Variants in PLEKHA3 observed in about 807,000 individuals in gnomAD.
PLEKHA3 encodes pleckstrin homology domain-containing family A member 3.
PLEKHA3 carries 19 observed loss-of-function variants against 39.2 expected under a neutral mutation model. The ratio of observed to expected loss-of-function variants is 0.48; its 90% confidence interval spans 0.34 to 0.71. PLEKHA3 has a LOEUF of 0.71. Ranked by LOEUF, PLEKHA3 falls within the 30% of genes least tolerant of loss-of-function variation. PLEKHA3 has a pLI of 0.01. For synonymous variants in PLEKHA3, 97 were observed against 118.6 expected (o/e 0.82, Z 1.18); for missense variants, 253 against 359.5 (o/e 0.70, Z 2.40).
At chr2:178,500,262 G>A (rs1164672488) in intron 6 of PLEKHA3, among the ~76,000 whole-genome samples, 3 of 151,922 alleles carry the variant, frequency 2.0e-5, no homozygotes, top group African/African-American at 7.3e-5. Flanking sequence ...CCTGATGATT[G>A]TATAATCTTT....
At chr2:178,491,736 G>C (rs1685350681) in intron 3 of PLEKHA3, among the ~76,000 whole-genome samples, 1 of 152,104 alleles carries the variant, frequency 6.6e-6, no homozygotes, top group Non-Finnish European at 1.5e-5. Context: ...ACTTGAGACT[G>C]TAATTTATAA....
chr2:178,490,864 T>C, intron 3 of PLEKHA3, 50 bp downstream of exon 3: 1 of 1,436,618 alleles, frequency 7.0e-7, no homozygotes, highest in East Asian at 2.5e-5. Context: ...TAAATATAAA[T>C]ATAAATGTAA....
intron 5 of PLEKHA3, among the ~76,000 whole-genome samples, chr2:178,496,623 G>A (rs1212289102): frequency 6.6e-6 from 1 of 152,206 alleles, no homozygotes; most frequent in Non-Finnish European, 1.5e-5. Context: ...ATGAAAATGA[G>A]TTTTATGGCC....
Position 178,514,040 on chromosome 2 carries a change from G to A in PLEKHA3, c.*10153G>A, listed in dbSNP as rs1241161022. The stretch of plus-strand genomic sequence containing the variant: ...ATTGTCCATAGCCTCTTGCAATGGT[G>A]CCTCATCTTGGGGAGGCTTTAGAAC... On this transcript the variant is annotated 3_prime_UTR_variant, in exon 8 of 8. Coordinates refer to ENST00000234453, the MANE Select transcript of PLEKHA3 (RefSeq NM_019091.4). The A allele has an allele frequency of 6.6e-6, 1 of 152,072 alleles. No homozygotes were observed. Among genetic ancestry groups the A allele is most frequent in the Non-Finnish European group, 1.5e-5 (1 of 68,018 alleles). The allele number at this position is 152,072 out of a possible 1,614,324, so 9.4% of individuals were successfully genotyped here. A position where few individuals can be genotyped will look rare whatever the true frequency, so the allele number is the denominator to read the frequency against.
chr2:178,487,261 G>A (rs1372627344), intron 2 of PLEKHA3, among the ~76,000 whole-genome samples: 2 of 152,060 alleles, frequency 1.3e-5, no homozygotes, highest in African/African-American at 4.8e-5. Context: ...ATCAAGGGCG[G>A]GTGATGAAAT....
At position 178,509,746 on chromosome 2, in the gene PLEKHA3, T is replaced by A. The variant is rs1420547656; in HGVS notation, c.*5859T>A. ...TGCCTGCCTTGACTTTCCAAAATTC[T>A]CGGATTACAGGCATGAGCCACACTG... On this transcript the variant is annotated 3_prime_UTR_variant, in exon 8 of 8. Coordinates refer to ENST00000234453, the MANE Select transcript of PLEKHA3 (RefSeq NM_019091.4). The A allele has an allele frequency of 2.0e-5, 3 of 152,298 alleles. No individual in the cohort carries two copies. Among genetic ancestry groups the A allele is most frequent in the Non-Finnish European group, 2.9e-5 (2 of 68,156 alleles). The allele number at this position is 152,298 out of a possible 1,614,324, so 9.4% of individuals were successfully genotyped here. A position where few individuals can be genotyped will look rare whatever the true frequency, so the allele number is the denominator to read the frequency against.
At chr2:178,501,877 G>A (rs558159055) in intron 7 of PLEKHA3, among the ~76,000 whole-genome samples, 1 of 152,018 alleles carries the variant, frequency 6.6e-6, no homozygotes, top group South Asian at 2.1e-4. Context: ...GAAGCATGTG[G>A]GATAGAAACT....
intron 3 of PLEKHA3, among the ~76,000 whole-genome samples, chr2:178,493,064 A>G (rs1685379075): frequency 6.6e-6 from 1 of 152,214 alleles, no homozygotes; most frequent in Non-Finnish European, 1.5e-5. Flanking sequence ...CCAGAGAGCA[A>G]GACCACTGGG....
At chr2:178,485,208 G>A (rs962210661) in intron 1 of PLEKHA3, among the ~76,000 whole-genome samples, 1 of 152,206 alleles carries the variant, frequency 6.6e-6, no homozygotes, top group Non-Finnish European at 1.5e-5. Context: ...TTTGTCCCCA[G>A]GGTATGATTA....
rs1685586282 is a variant in PLEKHA3, at chr2:178,505,222, T to A, written c.*1335T>A. On this transcript the variant is annotated 3_prime_UTR_variant, in exon 8 of 8. Transcript: ENST00000234453. ...TGTTGCCTGTGAGCTTAGAATGGTG[T>A]GACCTATTTCATTTTATTTCAATTT... 1 of 152,194 alleles carries A rather than the reference T, an allele frequency of 6.6e-6. No individual in the cohort carries two copies. Among genetic ancestry groups the A allele is most frequent in the South Asian group, 2.1e-4 (1 of 4,826 alleles). 9.4% of individuals were successfully genotyped at this position (152,194 alleles called of 1,614,324 possible). A position where few individuals can be genotyped will look rare whatever the true frequency, so the allele number is the denominator to read the frequency against.
chr2:178,503,456 T>C (rs1489375593), intron 7 of PLEKHA3, among the ~76,000 whole-genome samples: 1 of 151,970 alleles, frequency 6.6e-6, no homozygotes, highest in Admixed American at 6.6e-5. Context: ...TTAAATTCAA[T>C]TCAGCAAATA....
chr2:178,495,231 T>C (rs573056361), intron 4 of PLEKHA3, among the ~76,000 whole-genome samples: 1 of 152,340 alleles, frequency 6.6e-6, no homozygotes, highest in South Asian at 2.1e-4. Context: ...TTCAATATGA[T>C]AATTAAATGC....
chr2:178,503,919 T>C lies in PLEKHA3; in HGVS notation c.*32T>C, dbSNP rs773137787. ...TGAAGTGTCCAACTTCCTCTAAGTA[T>C]TGCTATGCAAAAGCTGCTGTAATTA... On this transcript the variant is annotated 3_prime_UTR_variant, in exon 8 of 8. Transcript: ENST00000234453. 11 of 1,608,134 alleles carry C rather than the reference T, an allele frequency of 6.8e-6. No individual in the cohort carries two copies. The highest frequency in any genetic ancestry group is 8.5e-6 in the Non-Finnish European group (10 of 1,175,876).
chr2:178,486,488 A>G (rs1048479207), intron 2 of PLEKHA3, among the ~76,000 whole-genome samples: 13 of 152,222 alleles, frequency 8.5e-5, no homozygotes, highest in Non-Finnish European at 1.9e-4. Context: ...CTTGTCCTTC[A>G]TGAAGTGTGT....
chr2:178,508,051 GT>G lies in PLEKHA3; in HGVS notation c.*4165del, dbSNP rs1685631317. On this transcript the variant is annotated 3_prime_UTR_variant, in exon 8 of 8. Transcript: ENST00000234453. The stretch of plus-strand genomic sequence containing the variant: ...AGAGATTTGTCTGCTTCAGTTCTGG[GT>G]GTGTGTGTGTGTGTGTGTGTGTGTG... 337 of 4,438 alleles carry G rather than the reference GT, an allele frequency of 0.076. No individual in the cohort carries two copies. Among genetic ancestry groups the G allele is most frequent in the Middle Eastern group, 0.25 (2 of 8 alleles). 0.3% of individuals were successfully genotyped at this position (4,438 alleles called of 1,614,324 possible). A position where few individuals can be genotyped will look rare whatever the true frequency, so the allele number is the denominator to read the frequency against.
intron 2 of PLEKHA3, among the ~76,000 whole-genome samples, chr2:178,487,116 G>C (rs1045939937): frequency 6.6e-6 from 1 of 152,212 alleles, no homozygotes; most frequent in Admixed American, 6.5e-5. Context: ...AGTGTCAGTG[G>C]AGGGAAAGTT....
Position 178,510,585 on chromosome 2 carries a change from A to G in PLEKHA3, c.*6698A>G, listed in dbSNP as rs1685668286. On this transcript the variant is annotated 3_prime_UTR_variant, in exon 8 of 8. Transcript: ENST00000234453. ...GTAAAGGGCTTGTGGGCGTGGGTGA[A>G]CACTCTCCTGCTCTTCTGCCAAATG... 1 of 153,756 alleles carries G rather than the reference A, an allele frequency of 6.5e-6. No homozygotes were observed. 9.5% of individuals were successfully genotyped at this position (153,756 alleles called of 1,614,324 possible).
chr2:178,487,792 T>G (rs781006047), intron 2 of PLEKHA3, among the ~76,000 whole-genome samples: 2 of 152,224 alleles, frequency 1.3e-5, no homozygotes, highest in Non-Finnish European at 2.9e-5. Context: ...AGTGATTATA[T>G]AAATTTTTTC....
chr2:178,492,911 A>C (rs1331584756), intron 3 of PLEKHA3, among the ~76,000 whole-genome samples: 1 of 152,238 alleles, frequency 6.6e-6, no homozygotes, highest in Non-Finnish European at 1.5e-5. Context: ...AGTAAATTTT[A>C]TGTTTATGTA....
Sources: gnomAD v4.1 joint callset for allele counts (sites outside exome capture counted in the v4.1 genomes callset) on GRCh38, gnomAD v4.1.1 for gene constraint, MANE v1.5 for transcripts, NCBI Gene and HGNC (gene_info 2026-07-23, HGNC 2026-07-21) for gene names.